Variants in PHF24 observed in about 807,000 individuals in gnomAD.
PHF24 encodes PHD finger protein 24.
A neutral mutation model predicts 42.6 loss-of-function variants in PHF24; 25 were observed. The ratio of observed to expected loss-of-function variants is 0.59; its 90% CI spans 0.43 to 0.82. The LOEUF is 0.82. Ranked by LOEUF, PHF24 falls within the 40% of genes least tolerant of loss-of-function variation. The pLI is 0.00. For missense variants in PHF24, 470 were observed against 538.1 expected (o/e 0.87, Z 1.25); for synonymous variants, 185 against 204.8 (o/e 0.90, Z 0.83).
the PHF24 span, among the ~76,000 whole-genome samples, chr9:34,931,030 GGTGA>G: frequency 2.0e-5 from 3 of 152,118 alleles, no homozygotes; most frequent in Non-Finnish European, 2.9e-5. Context: ...TTCTCCTGAT[GGTGA>G]GTGAGTTTTC....
At chr9:34,701,252 C>T in the PHF24 span, among the ~76,000 whole-genome samples, 13 of 152,026 alleles carry the variant, frequency 8.6e-5, no homozygotes, top group Non-Finnish European at 1.8e-4. This position sits in a 1 kb window ranked among gnomAD's most constrained non-coding sequence, Gnocchi z 5.8. Context: ...GCAGGGGAGT[C>T]AACCAAGTTC....
chr9:34,802,087 T>A, the PHF24 span, among the ~76,000 whole-genome samples: 49,568 of 151,996 alleles, frequency 0.33, 8,692 homozygotes, highest in East Asian at 0.55. Flanking sequence ...AAAATGAAAT[T>A]AGAAAGAAGA....
chr9:34,779,946 G>A, the PHF24 span, among the ~76,000 whole-genome samples: 1 of 152,056 alleles, frequency 6.6e-6, no homozygotes, highest in Non-Finnish European at 1.5e-5. Flanking sequence ...GGCTGGTCTC[G>A]AACTTCTGAC....
the PHF24 span, among the ~76,000 whole-genome samples, chr9:34,771,576 A>G: frequency 1.3e-5 from 2 of 152,174 alleles, no homozygotes; most frequent in African/African-American, 4.8e-5. Flanking sequence ...TACATTTTAT[A>G]TAACTATAAT....
chr9:34,709,922 C>A, the PHF24 span: 26 of 1,614,148 alleles, frequency 1.6e-5, no homozygotes, highest in Non-Finnish European at 2.2e-5. Flanking sequence ...TCACAGGGAG[C>A]CAGGGGCTGC....
chr9:34,835,809 T>A, the PHF24 span: 1 of 1,510,766 alleles, frequency 6.6e-7, no homozygotes, highest in Non-Finnish European at 9.0e-7. Flanking sequence ...TAGATGCCAG[T>A]GAAAGCTCTC....
the PHF24 span, among the ~76,000 whole-genome samples, chr9:34,697,014 GA>G: frequency 6.6e-6 from 1 of 152,220 alleles, no homozygotes; most frequent in Non-Finnish European, 1.5e-5. Flanking sequence ...TGTCCTGGGA[GA>G]ATCCCAGGAA....
chr9:34,850,422 G>A, the PHF24 span, among the ~76,000 whole-genome samples: 525 of 152,034 alleles, frequency 3.5e-3, 1 homozygote, highest in South Asian at 0.018. Context: ...CATTCTTCAC[G>A]TAGTTCTCGA....
the PHF24 span, among the ~76,000 whole-genome samples, chr9:34,707,774 C>T: frequency 2.0e-4 from 31 of 152,008 alleles, no homozygotes; most frequent in African/African-American, 7.3e-4. Context: ...GTCGCCCAGA[C>T]TGGAGTGCAA....
the PHF24 span, among the ~76,000 whole-genome samples, chr9:34,695,656 A>G: frequency 6.6e-6 from 1 of 152,072 alleles, no homozygotes; most frequent in African/African-American, 2.4e-5. Flanking sequence ...GTCAGAATTG[A>G]ACTGAATTAG....
chr9:34,691,593 G>C, the PHF24 span, among the ~76,000 whole-genome samples: 1 of 152,224 alleles, frequency 6.6e-6, no homozygotes, highest in South Asian at 2.1e-4. Context: ...GATGGTCAAA[G>C]GTGGGGCCCA....
chr9:34,808,378 C>T, the PHF24 span, among the ~76,000 whole-genome samples: 1 of 152,090 alleles, frequency 6.6e-6, no homozygotes, highest in Non-Finnish European at 1.5e-5. Context: ...AGGAGGATTG[C>T]TTGAGCCCAG....
At chr9:34,804,890 A>T in the PHF24 span, among the ~76,000 whole-genome samples, 41 of 152,298 alleles carry the variant, frequency 2.7e-4, 1 homozygote, top group Non-Finnish European at 4.0e-4. Flanking sequence ...CCCAGTTCTT[A>T]GGTAACCAGT....
chr9:34,727,056 G>C, the PHF24 span: 1 of 1,497,136 alleles, frequency 6.7e-7, no homozygotes, highest in Non-Finnish European at 8.9e-7. Context: ...GTGTGGGCTG[G>C]AGTGGGCACT....
At chr9:34,961,404 C>A (rs1250847319) in intron 1 of PHF24, among the ~76,000 whole-genome samples, 1 of 152,170 alleles carries the variant, frequency 6.6e-6, no homozygotes, top group Non-Finnish European at 1.5e-5. Context: ...TTTCCATTAG[C>A]ACATCCCCCT....
intron 3 of PHF24, among the ~76,000 whole-genome samples, 157 bp downstream of exon 3, chr9:34,972,688 G>A (rs537678970): frequency 3.2e-4 from 48 of 152,252 alleles, no homozygotes; most frequent in African/African-American, 8.4e-4. Context: ...GGCCAGTGCC[G>A]GAAGATCACG....
chr9:34,881,812 A>C, the PHF24 span, among the ~76,000 whole-genome samples: 3 of 152,358 alleles, frequency 2.0e-5, no homozygotes, highest in African/African-American at 7.2e-5. Flanking sequence ...ATTCCTTCTG[A>C]AACTATTCCA....
chr9:34,690,988 C>G, the PHF24 span: 1 of 1,028,952 alleles, frequency 9.7e-7, no homozygotes, highest in Non-Finnish European at 1.4e-6. Flanking sequence ...TTTGCCTGAA[C>G]TCACCATGTC....
the PHF24 span, among the ~76,000 whole-genome samples, chr9:34,863,802 G>A: frequency 1.3e-5 from 2 of 152,168 alleles, no homozygotes; most frequent in African/African-American, 4.8e-5. Context: ...ACCTAACTAA[G>A]GCACCAGGGA....
Sources: gnomAD v4.1 joint callset for allele counts (sites outside exome capture counted in the v4.1 genomes callset) on GRCh38, gnomAD v4.1.1 for gene constraint, Gnocchi (gnomAD v3.1) non-coding constraint, MANE v1.5 for transcripts, NCBI Gene and HGNC (gene_info 2026-07-23, HGNC 2026-07-21) for gene names.